The following NID2 variants were observed in gnomAD, a reference collection of about 807,000 sequenced individuals.
NID2 encodes nidogen-2.
Under a neutral mutation model 145.4 loss-of-function variants are expected in NID2, and 83 were observed. That is an observed-to-expected ratio of 0.57 (90% CI 0.48 to 0.69). The LOEUF is 0.69. NID2 is among the 30% of genes least tolerant of loss of function. The pLI is 0.00. For missense variants in NID2, 1,807 were observed against 1,765.7 expected, an observed-to-expected ratio of 1.02 and a Z score of -0.42; for synonymous variants, 739 against 701.3, an observed-to-expected ratio of 1.05 and a Z score of -0.85.
rs992466484 is a variant in NID2 at position 52,068,406 on chromosome 14, C to T, written c.229-243G>A. ...TCTCACTCCCCTCACAACCCCGGAG[C>T]CCCATGTCCTCGGAGAGGAAGCCTC... On this transcript the variant is annotated intron_variant, in intron 1 of 21. Coordinates refer to ENST00000216286, the MANE Select transcript of NID2 (RefSeq NM_007361.4). Among the ~76,000 whole-genome samples the T allele has an allele frequency of 2.6e-5, 4 of 152,218 alleles. No homozygotes were observed. The East Asian group carries it at 7.7e-4, about 29-fold the overall frequency.
chr14:52,046,090 G>A (rs554070639), intron 5 of NID2, among the ~76,000 whole-genome samples: 2 of 152,300 alleles, frequency 1.3e-5, no homozygotes, highest in South Asian at 2.1e-4. Context: ...TTGGGAGGCC[G>A]AGGCAGGCGG....
chr14:52,048,905 C>A (rs879897213), intron 5 of NID2, among the ~76,000 whole-genome samples: 1 of 152,148 alleles, frequency 6.6e-6, no homozygotes, highest in Non-Finnish European at 1.5e-5. Context: ...GTGTTTTTAA[C>A]CAGGCTCCCA....
Position 52,014,348 on chromosome 14 carries a change from T to G in NID2, c.3359A>C (p.Tyr1120Ser), listed in dbSNP as rs768133365. Residue 1120 changes from tyrosine (Y) to serine (S), a missense_variant, in exon 16 of 22, where the codon TAC (tyrosine) becomes TCC (serine). Physicochemically the swap from Tyr to Ser is moderately radical, Grantham distance 144. Coordinates refer to ENST00000216286, the MANE Select transcript of NID2 (RefSeq NM_007361.4). Reference sequence around the variant, plus strand: ...AAGCCTGGTGCCATTGAGGGGTAAGTAGCCAATCTGCTGGCCCTGAGTATA... The same window carrying G: ...AAGCCTGGTGCCATTGAGGGGTAAGGAGCCAATCTGCTGGCCCTGAGTATA... ...LLYTQGQQIG[Y>S]LPLNGTRLQK... 6.2e-7 allele frequency: 1 copy of G among 1,614,084 alleles called. No individual in the cohort carries two copies.
chr14:52,053,509 A>G (rs1892742949), intron 5 of NID2, 70 bp downstream of exon 5: 1 of 1,507,548 alleles, frequency 6.6e-7, no homozygotes, highest in Non-Finnish European at 8.9e-7. Flanking sequence ...TTAAGAGAAA[A>G]ATCACAACGC....
chr14:52,053,738 G>C lies in NID2; in HGVS notation c.1270C>G (p.Pro424Ala). ...YPENGSIQPY[P>A]DGGPVPSEMD... ...TCCGAAGGCACTGGCCCTCCATCTGGGTAGGGCTGGATGCTTCCGTTTTCG... is the reference window on the plus strand; with the variant it reads ...TCCGAAGGCACTGGCCCTCCATCTGCGTAGGGCTGGATGCTTCCGTTTTCG... The change falls in exon 5 of 22, where the codon CCA becomes GCA. Residue 424 changes from proline (P) to alanine (A), a missense_variant. Pro to Ala is a conservative substitution (Grantham distance 27). Coordinates refer to ENST00000216286, the MANE Select transcript of NID2 (RefSeq NM_007361.4). 1 of 1,614,220 alleles carries C rather than the reference G, an allele frequency of 6.2e-7. No individual in the cohort carries two copies. Among genetic ancestry groups the C allele is most frequent in the East Asian group, 2.2e-5 (1 of 44,890 alleles).
chr14:52,060,274 A>T lies in NID2; in HGVS notation c.617T>A (p.Phe206Tyr), dbSNP rs1379615163. The T allele has an allele frequency of 6.2e-7, 1 of 1,613,700 alleles. No individual in the cohort carries two copies. ...AGACTCTTTGGGGCGGGTTCCAAGG[A>T]ACTGCAGGCCGTTGGCAGGATAAAG... Reference protein sequence around the residue: ...LFLYPANGLQFLGTRPKESYN... With the variant: ...LFLYPANGLQYLGTRPKESYN... The change falls in exon 3 of 22, where the codon TTC becomes TAC. Residue 206 changes from phenylalanine to tyrosine, a missense_variant. Phe to Tyr is a conservative substitution (Grantham distance 22). Transcript: ENST00000216286.
chr14:52,038,940 A>G lies in NID2; in HGVS notation c.2064T>C (p.Thr688=). 1 of 1,614,032 alleles carries G rather than the reference A, an allele frequency of 6.2e-7. No individual in the cohort carries two copies. Among genetic ancestry groups the G allele is most frequent in the South Asian group, 1.1e-5 (1 of 90,998 alleles). The change falls in exon 9 of 22, where the codon ACT becomes ACC. Residue 688 remains threonine, a synonymous_variant. Transcript: ENST00000216286. ...TSTSSRDYSL[T]FGAINQTWSY... ...ACCATGTTTGGTTGATTGCACCAAA[A>G]GTCAGAGAGTAGTCTCTGGAACTTG...
chr14:52,040,657 C>G lies in NID2; in HGVS notation c.2020G>C (p.Asp674His). The G allele has an allele frequency of 6.2e-7, 1 of 1,613,314 alleles. No individual in the cohort carries two copies. Among genetic ancestry groups the G allele is most frequent in the South Asian group, 1.1e-5 (1 of 91,026 alleles). The change falls in exon 8 of 22, where the codon GAC becomes CAC. Residue 674 changes from aspartate (D) to histidine (H), a missense_variant. Asp to His is a moderately conservative substitution (Grantham distance 81). Transcript: ENST00000216286. ...SPYKELYHYS[D>H]STVTSTSSRD... ...GAAGACTGGTTATACATACTGGAGT[C>G]GGAGTAGTGGTACAGCTCCTTGTAG...
chr14:52,060,481 C>T, intron 2 of NID2, 125 bp from the exon 3 acceptor site: 2 of 483,396 alleles, frequency 4.1e-6, no homozygotes, highest in Non-Finnish European at 7.0e-6. Flanking sequence ...TCCCCTTTTT[C>T]AGGATTCCTC....
chr14:52,024,487 G>T (rs1891513063), intron 12 of NID2, among the ~76,000 whole-genome samples: 1 of 152,154 alleles, frequency 6.6e-6, no homozygotes, highest in South Asian at 2.1e-4. Context: ...CCCCAGTTAA[G>T]CCTTCAGATG....
chr14:52,005,671 A>AAATACCATATATATCCCTT, intron 21 of NID2, 66 bp downstream of exon 21: 1 of 1,435,930 alleles, frequency 7.0e-7, no homozygotes, highest in East Asian at 2.3e-5. Flanking sequence ...AGGGGTAATC[A>AAATACCATATATATCCCTT]AATACCATAT....
intron 9 of NID2, 22 bp downstream of exon 9, chr14:52,038,725 A>G (rs934405165): frequency 5.3e-6 from 8 of 1,523,738 alleles, no homozygotes; most frequent in African/African-American, 2.8e-5. Context: ...TTTTTACCCA[A>G]CAACAAAAAA....
Position 52,042,102 on chromosome 14 carries a change from C to T in NID2, c.1825+3G>A, listed in dbSNP as rs765764095. 5.0e-6 allele frequency: 8 copies of T among 1,584,760 alleles called. No individual in the cohort carries two copies. In the South Asian group the frequency reaches 9.4e-5, roughly 19 times the overall value. ...TACCGGCCTTCTCAGAGGCCCTACT[C>T]ACCTGCGAGGCTGAAGCCGTTCTCA... On this transcript the variant is annotated splice_donor_region_variant and intron_variant, in intron 7 of 21. Coordinates refer to ENST00000216286, the MANE Select transcript of NID2 (RefSeq NM_007361.4).
chr14:52,067,364 C>T (rs1270471752), intron 2 of NID2, among the ~76,000 whole-genome samples: 1 of 152,120 alleles, frequency 6.6e-6, no homozygotes, highest in East Asian at 1.9e-4. Flanking sequence ...GCAGTGTAAA[C>T]TCATCATTGT....
intron 12 of NID2, 99 bp from the exon 13 acceptor site, chr14:52,020,277 C>A: frequency 6.5e-7 from 1 of 1,545,708 alleles, no homozygotes; most frequent in East Asian, 2.4e-5. Flanking sequence ...GGATCAACAC[C>A]CAGTGAGGTG....
chr14:52,053,450 T>A (rs1340544002), intron 5 of NID2, 129 bp downstream of exon 5: 1 of 1,029,488 alleles, frequency 9.7e-7, no homozygotes, highest in Non-Finnish European at 1.4e-6. Flanking sequence ...AACACAGGGA[T>A]TAAAAATTAG....
intron 9 of NID2, among the ~76,000 whole-genome samples, chr14:52,038,522 C>G (rs1265807686): frequency 6.6e-6 from 1 of 152,190 alleles, no homozygotes; most frequent in Non-Finnish European, 1.5e-5. Flanking sequence ...ACCAGCTTCA[C>G]ATACTATGCT....
At position 52,042,079 on chromosome 14, in the gene NID2, C is replaced by G. The variant is rs114762468; in HGVS notation, c.1825+26G>C. 1,779 of 1,558,256 alleles carry G rather than the reference C, an allele frequency of 1.1e-3. 20 individuals are homozygous for G. In the African/African-American group the frequency reaches 0.019, roughly 17 times the overall value. ...ACCACTGCCAAAGCAATGCTGACTA[C>G]CGGCCTTCTCAGAGGCCCTACTCAC... is the stretch of plus-strand genomic sequence containing the variant. On this transcript the variant is annotated intron_variant, in intron 7 of 21. Transcript: ENST00000216286.
chr14:52,067,830 C>T (rs749489399), intron 2 of NID2, 28 bp downstream of exon 2: 1 of 1,609,842 alleles, frequency 6.2e-7, no homozygotes, highest in Admixed American at 1.7e-5. Flanking sequence ...TCAATTTCCT[C>T]AGCAGTCAAA....
Sources: gnomAD v4.1 joint callset for allele counts (sites outside exome capture counted in the v4.1 genomes callset) on GRCh38, gnomAD v4.1.1 for gene constraint, MANE v1.5 for transcripts, NCBI Gene and HGNC (gene_info 2026-07-23, HGNC 2026-07-21) for gene names.